TRPM3: variants seen among roughly 807,000 people sequenced by gnomAD.
The protein encoded by TRPM3 is long transient receptor potential channel 3.
A neutral mutation model predicts 181.2 loss-of-function variants in TRPM3; 77 were observed. The ratio of observed to expected loss-of-function variants is 0.42; its 90% CI spans 0.35 to 0.51. The LOEUF is 0.51. TRPM3 is among the 20% of genes least tolerant of loss of function. TRPM3 has a pLI of 0.01. For missense variants in TRPM3, 1,759 were observed against 2,196.7 expected (o/e 0.80, Z 3.98); for synonymous variants, 745 against 796.4 (o/e 0.94, Z 1.09).
intron 8 of TRPM3, among the ~76,000 whole-genome samples, chr9:70,688,856 A>G (rs554374310): frequency 6.6e-6 from 1 of 152,260 alleles, no homozygotes; most frequent in South Asian, 2.1e-4. Context: ...CTCTAAGCTT[A>G]AGGCATTCCA....
At chr9:70,548,503 A>G (rs1429831365) in intron 25 of TRPM3, among the ~76,000 whole-genome samples, 1 of 152,238 alleles carries the variant, frequency 6.6e-6, no homozygotes, top group Non-Finnish European at 1.5e-5. Flanking sequence ...ATGAGCAGAC[A>G]AAATGTCATT....
At chr9:71,427,265 T>C (rs2093881070) in intron 1 of TRPM3, among the ~76,000 whole-genome samples, 1 of 152,084 alleles carries the variant, frequency 6.6e-6, no homozygotes, top group Non-Finnish European at 1.5e-5. Context: ...ACTGAGGGGT[T>C]CTCAAACTGT....
At chr9:70,843,664 A>G (rs1295162582) in intron 4 of TRPM3, among the ~76,000 whole-genome samples, 3 of 152,198 alleles carry the variant, frequency 2.0e-5, no homozygotes, top group Non-Finnish European at 4.4e-5. Flanking sequence ...GTTAAAATAT[A>G]TAGACACACC....
At chr9:71,446,645 C>A (rs1306730768) in intron 1 of TRPM3, 3 of 1,549,262 alleles carry the variant, frequency 1.9e-6, no homozygotes, top group South Asian at 2.4e-5. Context: ...TCTCCCCCGG[C>A]CACTCACCGG....
intron 1 of TRPM3, among the ~76,000 whole-genome samples, chr9:71,417,356 A>C (rs2093652213): frequency 6.6e-6 from 1 of 151,946 alleles, no homozygotes; most frequent in Admixed American, 6.6e-5. Context: ...GTGATATCTC[A>C]TTATGGTTTT....
Position 70,842,984 on chromosome 9 carries a change from G to T in TRPM3, c.801+19C>A. 1 of 1,610,112 alleles carries T rather than the reference G, an allele frequency of 6.2e-7. No individual in the cohort carries two copies. Among genetic ancestry groups the T allele is most frequent in the Non-Finnish European group, 8.5e-7 (1 of 1,178,638 alleles). ...CCCTCTAGGAGAAGTCATGGAAAGC[G>T]ACAGCACTCAGGACTTACATCTCTT... On this transcript the variant is annotated intron_variant, in intron 5 of 25. Transcript: ENST00000677713.
rs1183664456 is a variant in TRPM3 at position 70,535,682 on chromosome 9, A to T, written c.*271T>A. ...CTGCTGTGACTGCGGATACACATTC[A>T]TCTCTAACCCTTCCTTCTCCCTCTC... On this transcript the variant is annotated 3_prime_UTR_variant, in exon 26 of 26. Transcript: ENST00000677713. 1 of 1,435,780 alleles carries T rather than the reference A, an allele frequency of 7.0e-7. No homozygotes were observed. Among genetic ancestry groups the T allele is most frequent in the Non-Finnish European group, 9.1e-7 (1 of 1,102,424 alleles). 88.9% of individuals were successfully genotyped at this position (1,435,780 alleles called of 1,614,324 possible).
chr9:70,757,130 C>T (rs2077229460), intron 8 of TRPM3, among the ~76,000 whole-genome samples: 1 of 152,076 alleles, frequency 6.6e-6, no homozygotes. Context: ...CGAATAGACA[C>T]AATAAAAATG....
intron 1 of TRPM3, among the ~76,000 whole-genome samples, chr9:70,940,092 G>A (rs748882408): frequency 1.3e-5 from 2 of 152,108 alleles, no homozygotes; most frequent in Non-Finnish European, 2.9e-5. Flanking sequence ...TCCTTATAAG[G>A]AGCTTTTTAT....
intron 1 of TRPM3, among the ~76,000 whole-genome samples, chr9:71,350,737 T>A (rs1183356923): frequency 6.6e-6 from 1 of 152,202 alleles, no homozygotes; most frequent in African/African-American, 2.4e-5. Context: ...CATATGAAAT[T>A]GCCAGCTCTG....
chr9:71,124,542 TCTCCCGTG>T (rs1012200255), upstream of TRPM3, among the ~76,000 whole-genome samples: 62 of 152,244 alleles, frequency 4.1e-4, no homozygotes, highest in African/African-American at 1.5e-3. Context: ...ACTCTAATTC[TCTCCCGTG>T]CTACAGAAAA....
intron 25 of TRPM3, among the ~76,000 whole-genome samples, chr9:70,548,304 T>A (rs541733302): frequency 1.3e-5 from 2 of 152,348 alleles, no homozygotes; most frequent in Admixed American, 1.3e-4. Context: ...CAGCAACAGA[T>A]GTGTATAAAA....
intron 1 of TRPM3, among the ~76,000 whole-genome samples, chr9:71,421,757 GT>G (rs2093778636): frequency 6.6e-6 from 1 of 152,104 alleles, no homozygotes; most frequent in African/African-American, 2.4e-5. Context: ...ACTGTGCCGA[GT>G]GCTGTTAGCA....
chr9:71,319,255 C>T (rs1222954616), intron 1 of TRPM3, among the ~76,000 whole-genome samples: 6 of 151,950 alleles, frequency 3.9e-5, no homozygotes, highest in Admixed American at 2.6e-4. Context: ...AATGACCGCT[C>T]GGCTGAGATG....
At chr9:71,158,616 T>C (rs934580610) in intron 1 of TRPM3, among the ~76,000 whole-genome samples, 1 of 152,280 alleles carries the variant, frequency 6.6e-6, no homozygotes, top group Admixed American at 6.5e-5. Flanking sequence ...CTTCAGGTAA[T>C]GCTTCTTTGA....
At chr9:71,428,870 C>T (rs368559043) in intron 1 of TRPM3, among the ~76,000 whole-genome samples, 2 of 149,542 alleles carry the variant, frequency 1.3e-5, no homozygotes, top group East Asian at 3.9e-4. Context: ...CAAGAATTTG[C>T]TTCTTAATTT....
chr9:70,870,059 G>C (rs149841753), intron 1 of TRPM3, among the ~76,000 whole-genome samples: 2 of 152,140 alleles, frequency 1.3e-5, no homozygotes, highest in East Asian at 3.9e-4. Flanking sequence ...TAAGTGCTAA[G>C]AGATGGCACT....
chr9:70,565,080 C>A (rs957792903), intron 22 of TRPM3, among the ~76,000 whole-genome samples: 4 of 152,156 alleles, frequency 2.6e-5, no homozygotes, highest in Non-Finnish European at 5.9e-5. Flanking sequence ...GTCCACATTC[C>A]GCTTAGAATC....
chr9:70,998,463 G>A (rs2097567247), intron 1 of TRPM3, among the ~76,000 whole-genome samples: 1 of 152,006 alleles, frequency 6.6e-6, no homozygotes, highest in Non-Finnish European at 1.5e-5. Flanking sequence ...CCCCCTGAGG[G>A]AGGTGAATTT....
Sources: gnomAD v4.1 joint callset for allele counts (sites outside exome capture counted in the v4.1 genomes callset) on GRCh38, gnomAD v4.1.1 for gene constraint, MANE v1.5 for transcripts, NCBI Gene and HGNC (gene_info 2026-07-23, HGNC 2026-07-21) for gene names.